Variants in DLST observed in about 807,000 individuals in gnomAD.
DLST encodes dihydrolipoyllysine-residue succinyltransferase component of 2-oxoglutarate dehydrogenase complex, mitochondrial.
In DLST, 17 loss-of-function variants were observed where a neutral mutation model predicts 53.1. That is an observed-to-expected ratio of 0.32 (90% CI 0.22 to 0.48). DLST has a LOEUF of 0.48. DLST is among the 20% of genes least tolerant of loss of function. DLST has a pLI of 0.99. For missense variants in DLST, 512 were observed against 583.9 expected, an observed-to-expected ratio of 0.88 and a Z score of 1.27; for synonymous variants, 206 against 204.8, an observed-to-expected ratio of 1.01 and a Z score of -0.05.
At chr14:74,894,472 C>T (rs754629158) in intron 10 of DLST, 63 bp downstream of exon 10, 9 of 1,517,098 alleles carry the variant, frequency 5.9e-6, no homozygotes, top group Admixed American at 1.8e-5. Context: ...GAACTTGCCC[C>T]ACTCCTTATC....
intron 5 of DLST, 123 bp from the exon 6 acceptor site, chr14:74,889,774 A>G: frequency 1.1e-6 from 1 of 879,184 alleles, no homozygotes. Context: ...TTTTCTTTAC[A>G]TATGTACTTT....
In DLST at chr14:74,898,349, G is replaced by T; in HGVS notation, c.771-20G>T. On this transcript the variant is annotated intron_variant, in intron 10 of 14. Coordinates refer to ENST00000334220, the MANE Select transcript of DLST (RefSeq NM_001933.5). ...AAAATGCAGGCTTTGTGGTCAGTTT[G>T]TTTTGTAATATTTTCACAGTAACAT... 8.7e-6 allele frequency: 14 copies of T among 1,607,972 alleles called. No homozygotes were observed. The highest frequency in any genetic ancestry group is 1.2e-5 in the Non-Finnish European group (14 of 1,177,716).
chr14:74,898,081 C>T (rs1289477393), intron 10 of DLST, among the ~76,000 whole-genome samples: 3 of 151,864 alleles, frequency 2.0e-5, no homozygotes, highest in African/African-American at 7.3e-5. Context: ...TGTGTGATCT[C>T]TTGTTCATAT....
intron 9 of DLST, 28 bp from the exon 10 acceptor site, chr14:74,894,284 T>C (rs1330291314): frequency 4.3e-6 from 7 of 1,612,930 alleles, no homozygotes; most frequent in Non-Finnish European, 5.9e-6. Flanking sequence ...GATCAGATTG[T>C]CAATGCTTGT....
intron 2 of DLST, among the ~76,000 whole-genome samples, chr14:74,883,160 T>C (rs1004976220): frequency 3.9e-5 from 6 of 152,098 alleles, no homozygotes; most frequent in Admixed American, 3.9e-4. Flanking sequence ...CCGGGCGTGG[T>C]GGCAGGCGCC....
At chr14:74,887,241 A>G (rs1219938288) in intron 3 of DLST, among the ~76,000 whole-genome samples, 1 of 152,102 alleles carries the variant, frequency 6.6e-6, no homozygotes, top group African/African-American at 2.4e-5. Flanking sequence ...TTACAAAATA[A>G]TTTCATTTTC....
chr14:74,900,171 TCA>T, intron 12 of DLST, 116 bp from the exon 13 acceptor site: 1 of 1,136,728 alleles, frequency 8.8e-7, no homozygotes, highest in Non-Finnish European at 1.3e-6. Context: ...TTTCTGTTAA[TCA>T]CACTGAGTAA....
At chr14:74,888,021 A>G (rs952441809) in intron 3 of DLST, among the ~76,000 whole-genome samples, 11 of 152,234 alleles carry the variant, frequency 7.2e-5, no homozygotes, top group African/African-American at 1.9e-4. Context: ...TAAGTGTGCA[A>G]CACATAACCA....
intron 12 of DLST, 114 bp downstream of exon 12, chr14:74,900,110 A>G: frequency 8.9e-7 from 1 of 1,125,620 alleles, no homozygotes; most frequent in Non-Finnish European, 1.3e-6. Flanking sequence ...GAAGGGAGTT[A>G]GTAAAAGTAA....
intron 1 of DLST, among the ~76,000 whole-genome samples, chr14:74,882,339 G>A (rs980373361): frequency 6.6e-6 from 1 of 152,214 alleles, no homozygotes; most frequent in African/African-American, 2.4e-5. Flanking sequence ...GTCCTCCGGC[G>A]GGATTCGGCG....
At chr14:74,900,139 C>T in intron 12 of DLST, 143 bp downstream of exon 12, 1 of 1,072,396 alleles carries the variant, frequency 9.3e-7, no homozygotes, top group Non-Finnish European at 1.4e-6. Context: ...TTCTTTTAAA[C>T]CATGCCGCAT....
intron 10 of DLST, among the ~76,000 whole-genome samples, chr14:74,895,777 G>A (rs1884058817): frequency 6.6e-6 from 1 of 152,154 alleles, no homozygotes; most frequent in African/African-American, 2.4e-5. Context: ...GCGTATGCCT[G>A]TAATCCCAGC....
chr14:74,888,129 T>G (rs891104584), intron 3 of DLST, among the ~76,000 whole-genome samples: 5 of 152,232 alleles, frequency 3.3e-5, no homozygotes, highest in African/African-American at 1.2e-4. Flanking sequence ...TTTATATTAT[T>G]TACTGTAAAG....
At chr14:74,898,593 C>A (rs927735002) in intron 11 of DLST, 94 bp downstream of exon 11, 3 of 1,433,576 alleles carry the variant, frequency 2.1e-6, no homozygotes, top group East Asian at 2.5e-5. Flanking sequence ...CAGACCAAGG[C>A]TTTTTATTTG....
At chr14:74,883,008 G>A (rs1883582086) in intron 2 of DLST, among the ~76,000 whole-genome samples, 1 of 152,220 alleles carries the variant, frequency 6.6e-6, no homozygotes, top group Non-Finnish European at 1.5e-5. Flanking sequence ...AAAAGTTATG[G>A]CCATGGCCGG....
intron 11 of DLST, among the ~76,000 whole-genome samples, chr14:74,898,839 T>C (rs946378072): frequency 6.6e-6 from 1 of 150,488 alleles, no homozygotes; most frequent in Non-Finnish European, 1.5e-5. Context: ...CCACAGGCCC[T>C]GTTACCTTGG....
intron 8 of DLST, 134 bp downstream of exon 8, chr14:74,893,120 G>A: frequency 8.3e-7 from 1 of 1,198,062 alleles, no homozygotes; most frequent in Non-Finnish European, 1.2e-6. Flanking sequence ...TCTAGACTTT[G>A]TATCCAAAGG....
chr14:74,888,600 G>A (rs539197182), intron 3 of DLST, among the ~76,000 whole-genome samples: 11 of 152,228 alleles, frequency 7.2e-5, no homozygotes, highest in East Asian at 1.9e-4. Context: ...CCAGCTACCC[G>A]GGAGGCAGAG....
chr14:74,883,944 A>C (rs1883619032), intron 2 of DLST, among the ~76,000 whole-genome samples: 1 of 152,144 alleles, frequency 6.6e-6, no homozygotes, highest in Admixed American at 6.5e-5. Context: ...AGAGAGAGCA[A>C]ATATACATTT....
Sources: gnomAD v4.1 joint callset for allele counts (sites outside exome capture counted in the v4.1 genomes callset) on GRCh38, gnomAD v4.1.1 for gene constraint, MANE v1.5 for transcripts, NCBI Gene and HGNC (gene_info 2026-07-23, HGNC 2026-07-21) for gene names.